The following TENM1 variants were observed in gnomAD, a reference collection of about 807,000 sequenced individuals.
The protein encoded by TENM1 is teneurin-1.
Under a neutral mutation model 174.8 loss-of-function variants are expected in TENM1, and 35 were observed. The observed-to-expected ratio is 0.20, with a 90% CI of 0.15 to 0.27. The LOEUF is 0.27. Ranked by LOEUF, TENM1 falls within the 10% of genes least tolerant of loss-of-function variation. The probability of loss-of-function intolerance (pLI) is 1.00; values close to 1 mark genes in which losing one functional copy is unlikely to be tolerated. For missense variants in TENM1, 1,633 were observed against 2,130.1 expected, an observed-to-expected ratio of 0.77 and a Z score of 4.59; for synonymous variants, 781 against 798.7, an observed-to-expected ratio of 0.98 and a Z score of 0.37.
At chrX:124,568,176 TA>T (rs2048981789) in intron 11 of TENM1, among the ~76,000 whole-genome samples, 1 of 111,931 alleles carries the variant, frequency 8.9e-6, no homozygotes, top group Admixed American at 9.5e-5. Flanking sequence ...AAGAGGATGC[TA>T]AAAGCCAAAG....
At chrX:124,796,162 A>T (rs2055301728) in intron 3 of TENM1, among the ~76,000 whole-genome samples, 1 of 111,759 alleles carries the variant, frequency 8.9e-6, no homozygotes, top group African/African-American at 3.2e-5. Flanking sequence ...AGCCAGCAAA[A>T]TACTTTCATT....
At chrX:124,427,038 T>TA (rs1244097823) in intron 23 of TENM1, among the ~76,000 whole-genome samples, 1 of 111,823 alleles carries the variant, frequency 8.9e-6, no homozygotes, top group Non-Finnish European at 1.9e-5. Context: ...CTACGGAGCA[T>TA]AGTCCCCCAG....
intron 3 of TENM1, among the ~76,000 whole-genome samples, chrX:124,870,563 A>C (rs1454153859): frequency 9.0e-6 from 1 of 111,504 alleles, no homozygotes; most frequent in African/African-American, 3.3e-5. Context: ...TGGAGGTGTA[A>C]GAGTGAAAAC....
chrX:124,420,273 A>T (rs2060635925), intron 25 of TENM1, 38 bp downstream of exon 28: 1 of 1,158,362 alleles, frequency 8.6e-7, no homozygotes, highest in Non-Finnish European at 1.2e-6. Context: ...TTTCAAATAA[A>T]AACCTAACAA....
At chrX:124,916,895 G>A (rs764139148) in intron 1 of TENM1, among the ~76,000 whole-genome samples, 6 of 110,127 alleles carry the variant, frequency 5.4e-5, no homozygotes, top group Non-Finnish European at 7.6e-5. Context: ...CTTCAGAACC[G>A]TGAGCCAATA....
chrX:124,477,677 G>A (rs1443539087), intron 22 of TENM1, among the ~76,000 whole-genome samples: 2 of 108,740 alleles, frequency 1.8e-5, no homozygotes, highest in African/African-American at 3.3e-5. Flanking sequence ...GCTGGAACTC[G>A]GGAGGTGGAG....
chrX:124,390,350 TTTA>T (rs2060269536), intron 28 of TENM1, among the ~76,000 whole-genome samples: 1 of 112,361 alleles, frequency 8.9e-6, no homozygotes, highest in African/African-American at 3.2e-5. Context: ...AAGTCTTTTT[TTTA>T]TTATTATACT....
At chrX:124,725,650 A>AAAGCTAC (rs1345729347) in intron 4 of TENM1, among the ~76,000 whole-genome samples, 1 of 112,305 alleles carries the variant, frequency 8.9e-6, no homozygotes, top group Non-Finnish European at 1.9e-5. Flanking sequence ...TTTTGCTTTG[A>AAAGCTAC]AAGCTACAAA....
intron 5 of TENM1, among the ~76,000 whole-genome samples, chrX:124,693,751 TAGA>T (rs2052585488): frequency 9.0e-6 from 1 of 111,213 alleles, no homozygotes; most frequent in Non-Finnish European, 1.9e-5. Context: ...GGTTGGCTAT[TAGA>T]AGTTTTTTTT....
intron 8 of TENM1, among the ~76,000 whole-genome samples, chrX:124,651,362 T>C (rs1443697235): frequency 9.0e-6 from 1 of 111,580 alleles, no homozygotes; most frequent in African/African-American, 3.3e-5. Context: ...GAAAGAGACA[T>C]TGTGATGAAT....
chrX:124,456,216 G>A, intron 22 of TENM1, among the ~76,000 whole-genome samples: 1 of 111,823 alleles, frequency 8.9e-6, no homozygotes, highest in Non-Finnish European at 1.9e-5. Flanking sequence ...ATATATTTGT[G>A]TAGCAACTTC....
At chrX:124,663,835 C>T (rs933735805) in intron 6 of TENM1, among the ~76,000 whole-genome samples, 3 of 108,231 alleles carry the variant, frequency 2.8e-5, no homozygotes, top group Non-Finnish European at 5.7e-5. Flanking sequence ...GGACATTTAA[C>T]GTGAATTTTT....
chrX:125,050,241 A>C, the TENM1 span, among the ~76,000 whole-genome samples: 1 of 109,633 alleles, frequency 9.1e-6, no homozygotes, highest in African/African-American at 3.3e-5. Flanking sequence ...TACATGTGCC[A>C]CATTGGTGTG....
chrX:125,092,795 T>C, the TENM1 span, among the ~76,000 whole-genome samples: 1 of 112,436 alleles, frequency 8.9e-6, no homozygotes, highest in African/African-American at 3.2e-5. Flanking sequence ...TCAGTGTTGT[T>C]TACTAAAAAT....
intron 22 of TENM1, among the ~76,000 whole-genome samples, chrX:124,481,280 TAGC>T (rs959183672): frequency 1.8e-5 from 2 of 111,315 alleles, no homozygotes; most frequent in African/African-American, 6.5e-5. Context: ...TCAACATACT[TAGC>T]AGTGGTAGAA....
At chrX:125,066,471 G>A in the TENM1 span, among the ~76,000 whole-genome samples, 1 of 111,082 alleles carries the variant, frequency 9.0e-6, no homozygotes, top group African/African-American at 3.3e-5. Flanking sequence ...CACTGCAGAG[G>A]GGATATCTTG....
chrX:124,852,321 GA>G (rs1053472188), intron 3 of TENM1, among the ~76,000 whole-genome samples: 1 of 109,363 alleles, frequency 9.1e-6, no homozygotes, highest in African/African-American at 3.3e-5. Flanking sequence ...ACTGAAGGTA[GA>G]AAAAAAATCA....
At position 124,548,527 on chromosome X, in the gene TENM1, G is replaced by A. The variant is rs138461142; in HGVS notation, c.2435-1437C>T. The stretch of plus-strand genomic sequence containing the variant: ...GGTTGGAGTGATTAACTGAGCATAT[G>A]GACACTTCATTCCATGCCCCATAAG... On this transcript the variant is annotated intron_variant, in intron 14 of 31. Transcript: ENST00000422452. Among the ~76,000 whole-genome samples the A allele has an allele frequency of 2.1e-3, 237 of 111,944 alleles. 1 individual carries two copies. The highest frequency in any genetic ancestry group is 7.1e-3 in the African/African-American group (219 of 30,776).
At chrX:124,919,093 C>T (rs7887767) in intron 1 of TENM1, among the ~76,000 whole-genome samples, 43,548 of 111,101 alleles carry the variant, frequency 0.39, 7,148 homozygotes, top group African/African-American at 0.66. Context: ...TTCTAAGCCT[C>T]GCTTTAGCCA....
Sources: allele counts gnomAD v4.1 joint callset (sites outside exome capture counted in the v4.1 genomes callset), GRCh38; gene constraint gnomAD v4.1.1; transcripts MANE v1.5; gene names NCBI Gene and HGNC (gene_info 2026-07-23, HGNC 2026-07-21).